Variants in RAB37 observed in about 807,000 individuals in gnomAD.
RAB37 encodes ras-related protein Rab-37.
A neutral mutation model predicts 33.1 loss-of-function variants in RAB37; 29 were observed. The observed-to-expected ratio is 0.88, with a 90% CI of 0.65 to 1.20. The LOEUF (loss-of-function observed/expected upper bound fraction) is 1.20. Ranked by LOEUF, RAB37 falls within the 50% of genes most tolerant of loss-of-function variation. RAB37 has a pLI of 0.00. For missense variants in RAB37, 299 were observed against 301.1 expected (o/e 0.99, Z 0.05); for synonymous variants, 128 against 119.5 (o/e 1.07, Z -0.47).
chr17:74,692,716 C>T (rs2032185025), intron 1 of RAB37, among the ~76,000 whole-genome samples: 1 of 152,106 alleles, frequency 6.6e-6, no homozygotes, highest in African/African-American at 2.4e-5. Flanking sequence ...ATCGTAGCCC[C>T]TCATCTCTCC....
At chr17:74,702,184 C>A (rs1053305904) in intron 1 of RAB37, among the ~76,000 whole-genome samples, 4 of 151,854 alleles carry the variant, frequency 2.6e-5, no homozygotes, top group Non-Finnish European at 4.4e-5. Context: ...CTTGGCAGAT[C>A]TAAAAACAAA....
chr17:74,695,685 C>T (rs1208965091), intron 1 of RAB37: 3 of 1,613,288 alleles, frequency 1.9e-6, no homozygotes, highest in South Asian at 1.1e-5. Flanking sequence ...GCCTGTGTCC[C>T]CCTGCCCCAG....
intron 1 of RAB37, chr17:74,696,146 G>C: frequency 6.3e-7 from 1 of 1,574,916 alleles, no homozygotes. Flanking sequence ...ATGAGGAAGG[G>C]GAAAGAAGCT....
In RAB37 at chr17:74,742,637, T is replaced by C. The variant is rs2034646891; in HGVS notation, c.246+342T>C. Among the ~76,000 whole-genome samples, 1 of 151,910 alleles carries C rather than the reference T, an allele frequency of 6.6e-6. No individual in the cohort carries two copies. The highest frequency in any genetic ancestry group is 2.4e-5 in the African/African-American group (1 of 41,328). On this transcript the variant is annotated intron_variant, in intron 3 of 8. Coordinates refer to ENST00000392613, the MANE Select transcript of RAB37 (RefSeq NM_001006638.3). The surrounding 1 kb of genome is among the most constrained non-coding windows in gnomAD (Gnocchi z 4.0). The stretch of plus-strand genomic sequence containing the variant: ...CTTTTTTTTTCTTTTCTTTTCTTTT[T>C]TTTTTTGAGATGGAGTCTCGCTCTG...
At chr17:74,690,978 G>A (rs763292030) in intron 1 of RAB37, among the ~76,000 whole-genome samples, 2 of 152,188 alleles carry the variant, frequency 1.3e-5, no homozygotes, top group Non-Finnish European at 2.9e-5. Context: ...GAGTGCAGTG[G>A]CATGATCACA....
At chr17:74,736,456 C>A, upstream of RAB37, 1 of 1,262,100 alleles carries the variant, frequency 7.9e-7, no homozygotes, top group South Asian at 1.6e-5. Context: ...GATATCCTGG[C>A]AGCTCTGCTC....
Position 74,678,708 on chromosome 17 carries a change from T to C in RAB37, c.72+7050T>C, listed in dbSNP as rs1001140462. ...ACACACACACACACACACACACACA[T>C]GCCTGCACATGCACACATACGCACC... On this transcript the variant is annotated intron_variant, in intron 1 of 7. Coordinates refer to the RAB37 transcript ENST00000340415. Among the ~76,000 whole-genome samples the C allele has an allele frequency of 7.3e-5, 11 of 150,204 alleles. No individual in the cohort carries two copies. The East Asian group carries it at 1.8e-3, about 24-fold the overall frequency.
intron 2 of RAB37, among the ~76,000 whole-genome samples, chr17:74,731,660 T>C (rs1489519358): frequency 6.6e-6 from 1 of 152,120 alleles, no homozygotes; most frequent in Non-Finnish European, 1.5e-5. Context: ...TCTCCTCAGT[T>C]TCCCCCAAAT....
intron 1 of RAB37, among the ~76,000 whole-genome samples, chr17:74,728,426 GTA>G (rs1216321424): frequency 6.6e-6 from 1 of 151,470 alleles, no homozygotes; most frequent in East Asian, 2.0e-4. Context: ...ATGTGTGCAT[GTA>G]TGTTTTGTGT....
intron 1 of RAB37, among the ~76,000 whole-genome samples, chr17:74,700,099 G>C (rs2032898959): frequency 6.6e-6 from 1 of 151,728 alleles, no homozygotes; most frequent in African/African-American, 2.4e-5. Context: ...CTGAGATCGC[G>C]CCACTGCACT....
chr17:74,729,883 C>T lies in RAB37; in HGVS notation c.183+517C>T, dbSNP rs530125941. On this transcript the variant is annotated intron_variant, in intron 2 of 7. Transcript: ENST00000340415. The surrounding 1 kb of genome is among the most constrained non-coding windows in gnomAD (Gnocchi z 4.2). ...AAGAAGATCTGGAGGGACAAAGGGA[C>T]GACAAAGTTTTCAGCACAGTCCAAA... Among the ~76,000 whole-genome samples the T allele has an allele frequency of 1.3e-5, 2 of 152,302 alleles. No individual in the cohort carries two copies. The highest frequency in any genetic ancestry group is 2.1e-4 in the South Asian group (1 of 4,822).
At chr17:74,688,898 T>C (rs1046096516) in intron 1 of RAB37, among the ~76,000 whole-genome samples, 2 of 152,346 alleles carry the variant, frequency 1.3e-5, no homozygotes, top group Admixed American at 6.5e-5. Context: ...GGAAAGGCAA[T>C]GGGCCCCACT....
chr17:74,685,975 A>C (rs1328994831), intron 1 of RAB37, among the ~76,000 whole-genome samples: 1 of 152,180 alleles, frequency 6.6e-6, no homozygotes, highest in Non-Finnish European at 1.5e-5. Flanking sequence ...CCATCAACCC[A>C]AGTGCAGGGT....
chr17:74,737,216 C>G (rs1304065281), upstream of RAB37: 7 of 1,533,480 alleles, frequency 4.6e-6, 1 homozygote, highest in Non-Finnish European at 6.1e-6. Context: ...GGGGTGGGGC[C>G]GTTCCTGCGC....
At chr17:74,722,836 G>A (rs1011808842) in intron 1 of RAB37, among the ~76,000 whole-genome samples, 3 of 151,974 alleles carry the variant, frequency 2.0e-5, no homozygotes, top group African/African-American at 4.8e-5. Context: ...CAAATCTATC[G>A]ATCTTTTCTT....
chr17:74,679,393 C>A (rs1241114819), intron 1 of RAB37, among the ~76,000 whole-genome samples: 2 of 152,092 alleles, frequency 1.3e-5, no homozygotes, highest in Non-Finnish European at 2.9e-5. Context: ...CCTCGCCTCC[C>A]CCATGCCTTT....
chr17:74,671,712 G>T lies in RAB37; in HGVS notation c.72+54G>T. The T allele has an allele frequency of 6.5e-7, 1 of 1,529,620 alleles. No individual in the cohort carries two copies. Among genetic ancestry groups the T allele is most frequent in the Non-Finnish European group, 9.1e-7 (1 of 1,103,990 alleles). The allele number at this position is 1,529,620 out of a possible 1,614,324, so 94.8% of individuals were successfully genotyped here. Reference sequence around the variant, plus strand: ...ACGTTGGAAGAGGCGCCAGCACCAGGAGTTTTCTCCACTCCCCTGACTTTG... The same window carrying T: ...ACGTTGGAAGAGGCGCCAGCACCAGTAGTTTTCTCCACTCCCCTGACTTTG... On this transcript the variant is annotated intron_variant, in intron 1 of 7. Coordinates refer to the RAB37 transcript ENST00000340415. This position sits in a 1 kb window ranked among gnomAD's most constrained non-coding sequence, Gnocchi z 5.0.
chr17:74,726,769 C>T (rs561784081), intron 1 of RAB37, among the ~76,000 whole-genome samples: 4 of 152,216 alleles, frequency 2.6e-5, no homozygotes, highest in South Asian at 2.1e-4. Context: ...TGGCTGGGCC[C>T]GACCCAAAGA....
chr17:74,701,286 C>T (rs575529742), intron 1 of RAB37, among the ~76,000 whole-genome samples: 3 of 152,268 alleles, frequency 2.0e-5, no homozygotes, highest in Admixed American at 6.5e-5. Flanking sequence ...GTAAGTACCT[C>T]GAGGGCAGGC....
Sources: allele counts gnomAD v4.1 joint callset (sites outside exome capture counted in the v4.1 genomes callset), GRCh38; gene constraint gnomAD v4.1.1; non-coding constraint Gnocchi (gnomAD v3.1); transcripts MANE v1.5; gene names NCBI Gene and HGNC (gene_info 2026-07-23, HGNC 2026-07-21).